SGCZ: variants seen among roughly 807,000 people sequenced by gnomAD.
SGCZ encodes zeta-sarcoglycan.
Under a neutral mutation model 41.3 loss-of-function variants are expected in SGCZ, and 40 were observed. The observed-to-expected ratio is 0.97, with a 90% CI of 0.75 to 1.26. SGCZ has a LOEUF of 1.26. Among genes scored for constraint, SGCZ ranks in the 50% most tolerant of loss-of-function variants. SGCZ has a pLI of 0.00. For missense variants in SGCZ, 552 were observed against 369.8 expected, an observed-to-expected ratio of 1.49 and a Z score of -4.04; for synonymous variants, 206 against 137.5, an observed-to-expected ratio of 1.50 and a Z score of -3.49.
At chr8:14,834,457 G>T (rs996265139) in intron 1 of SGCZ, among the ~76,000 whole-genome samples, 3 of 152,122 alleles carry the variant, frequency 2.0e-5, no homozygotes, top group African/African-American at 7.2e-5. Context: ...CAGACTGAAT[G>T]AGGTCCCTCC....
chr8:14,675,364 AC>A (rs1808240604), intron 1 of SGCZ, among the ~76,000 whole-genome samples: 2 of 152,136 alleles, frequency 1.3e-5, no homozygotes, highest in African/African-American at 4.8e-5. Flanking sequence ...TTTAGAATGT[AC>A]AACATATATT....
chr8:14,785,748 A>G (rs1446557849), intron 1 of SGCZ, among the ~76,000 whole-genome samples: 1 of 152,200 alleles, frequency 6.6e-6, no homozygotes, highest in Non-Finnish European at 1.5e-5. Flanking sequence ...AAACAAATTC[A>G]CACGGGCTTT....
At chr8:14,556,463 T>C (rs1903596) in intron 1 of SGCZ, among the ~76,000 whole-genome samples, 14,070 of 151,990 alleles carry the variant, frequency 0.093, 958 homozygotes, top group East Asian at 0.35. Context: ...CATAGGTTTT[T>C]GGGAAACAGG....
intron 1 of SGCZ, among the ~76,000 whole-genome samples, chr8:14,930,244 T>C (rs550800079): frequency 6.6e-6 from 1 of 152,062 alleles, no homozygotes; most frequent in South Asian, 2.1e-4. Flanking sequence ...AAAAAGCTCA[T>C]CAGGAATTGT....
intron 3 of SGCZ, among the ~76,000 whole-genome samples, chr8:14,302,294 A>G (rs1008376858): frequency 6.6e-6 from 1 of 152,196 alleles, no homozygotes; most frequent in Non-Finnish European, 1.5e-5. Context: ...TTTCTCTTGA[A>G]TTGATTGAAC....
intron 5 of SGCZ, among the ~76,000 whole-genome samples, chr8:14,139,446 C>A (rs763323497): frequency 2.0e-5 from 3 of 151,904 alleles, no homozygotes; most frequent in African/African-American, 7.3e-5. Context: ...AGACTGCTAG[C>A]AAGACTAATA....
intron 1 of SGCZ, among the ~76,000 whole-genome samples, chr8:15,030,252 G>A (rs575505785): frequency 5.9e-5 from 9 of 152,190 alleles, no homozygotes; most frequent in African/African-American, 1.9e-4. Flanking sequence ...TTTTCAAAAT[G>A]CCAAGATCTT....
Position 15,216,465 on chromosome 8 carries a change from C to T in SGCZ, c.39+21120G>A, listed in dbSNP as rs975213447. On this transcript the variant is annotated intron_variant, in intron 1 of 7. Coordinates refer to ENST00000382080, the MANE Select transcript of SGCZ (RefSeq NM_139167.4). ...TCGATCTCCTGACCTCATGATCTGC[C>T]CACCTGGGGCTCCCAAAGTGCTGGG... 2.6e-4 allele frequency among the ~76,000 whole-genome samples: 40 copies of T among 151,922 alleles called. 1 individual carries two copies. The highest frequency in any genetic ancestry group is 9.4e-4 in the African/African-American group (39 of 41,370).
Position 14,159,134 on chromosome 8 carries a change from T to C in SGCZ, c.547+5446A>G, listed in dbSNP as rs552445063. Among the ~76,000 whole-genome samples the C allele has an allele frequency of 2.0e-4, 30 of 152,184 alleles. 1 individual carries two copies. The South Asian group carries it at 6.2e-3, about 32-fold the overall frequency. On this transcript the variant is annotated intron_variant, in intron 5 of 7. Coordinates refer to ENST00000382080, the MANE Select transcript of SGCZ (RefSeq NM_139167.4). ...GACTATTCATTGATACATGGCAGGA[T>C]AAATTATGAGATTTTGTGGGTCTAA...
rs897466940 is a variant in SGCZ at position 15,067,116 on chromosome 8, T to A, written c.39+170469A>T. On this transcript the variant is annotated intron_variant, in intron 1 of 7. Transcript: ENST00000382080. Reference sequence around the variant, plus strand: ...TTGTGTGTAAATGTTTATAATTTTTTAACTGAAATTATATCTGTTTAAAAT... The same window carrying A: ...TTGTGTGTAAATGTTTATAATTTTTAAACTGAAATTATATCTGTTTAAAAT... 2.0e-5 allele frequency among the ~76,000 whole-genome samples: 3 copies of A among 152,330 alleles called. No homozygotes were observed. In the East Asian group the frequency reaches 5.8e-4, roughly 29 times the overall value.
intron 1 of SGCZ, among the ~76,000 whole-genome samples, chr8:14,612,825 A>G (rs8180904): frequency 0.086 from 13,149 of 152,110 alleles, 1,280 homozygotes; most frequent in East Asian, 0.53. Flanking sequence ...TGCTGGGATT[A>G]CAAGAACCTG....
At chr8:15,107,340 G>A (rs891220917) in intron 1 of SGCZ, among the ~76,000 whole-genome samples, 1 of 152,242 alleles carries the variant, frequency 6.6e-6, no homozygotes, top group East Asian at 1.9e-4. Context: ...TGATAATATT[G>A]GGAAGTAGGG....
intron 1 of SGCZ, among the ~76,000 whole-genome samples, chr8:14,585,637 T>C (rs1805032762): frequency 6.6e-6 from 1 of 152,144 alleles, no homozygotes; most frequent in East Asian, 1.9e-4. Context: ...GAAAAATATA[T>C]CAGACTCATT....
chr8:14,759,482 A>C (rs978241941), intron 1 of SGCZ, among the ~76,000 whole-genome samples: 2 of 152,186 alleles, frequency 1.3e-5, no homozygotes, highest in East Asian at 3.8e-4. Flanking sequence ...TGGAAAGACA[A>C]CTTATTCCAG....
At chr8:14,863,002 A>G (rs1406950078) in intron 1 of SGCZ, among the ~76,000 whole-genome samples, 2 of 152,144 alleles carry the variant, frequency 1.3e-5, no homozygotes, top group African/African-American at 4.8e-5. Flanking sequence ...AATAAGAAGG[A>G]AATCAATCAA....
At chr8:15,107,328 T>C (rs140094922) in intron 1 of SGCZ, among the ~76,000 whole-genome samples, 1 of 152,296 alleles carries the variant, frequency 6.6e-6, no homozygotes, top group Non-Finnish European at 1.5e-5. Context: ...TAATCCCCAA[T>C]GTGATAATAT....
intron 4 of SGCZ, among the ~76,000 whole-genome samples, chr8:14,168,441 T>C (rs767608264): frequency 2.6e-5 from 4 of 152,100 alleles, no homozygotes; most frequent in Admixed American, 1.3e-4. Context: ...TGGGAGGTAA[T>C]TGGATCATGG....
At chr8:15,115,250 G>A (rs73205465) in intron 1 of SGCZ, among the ~76,000 whole-genome samples, 1 of 152,068 alleles carries the variant, frequency 6.6e-6, no homozygotes, top group African/African-American at 2.4e-5. Flanking sequence ...TGGAAACATA[G>A]AAGAGGCACG....
At chr8:14,534,482 C>G (rs1803234292) in intron 2 of SGCZ, among the ~76,000 whole-genome samples, 1 of 152,130 alleles carries the variant, frequency 6.6e-6, no homozygotes. Flanking sequence ...TTTATCCAAT[C>G]AGTAAGTAAA....
Sources: gnomAD v4.1 joint callset for allele counts (sites outside exome capture counted in the v4.1 genomes callset) on GRCh38, gnomAD v4.1.1 for gene constraint, MANE v1.5 for transcripts, NCBI Gene and HGNC (gene_info 2026-07-23, HGNC 2026-07-21) for gene names.